The following NSMCE1 variants were observed in gnomAD, a reference collection of about 807,000 sequenced individuals.
NSMCE1 encodes non-structural maintenance of chromosomes element 1 homolog.
NSMCE1 carries 18 observed loss-of-function variants against 29.6 expected under a neutral mutation model. The observed-to-expected ratio is 0.61, with a 90% confidence interval of 0.42 to 0.90. NSMCE1 has a LOEUF of 0.90. Among genes scored for constraint, NSMCE1 ranks in the 40% least tolerant of loss-of-function variants. NSMCE1 has a pLI of 0.00. For missense variants in NSMCE1, 314 were observed against 343.6 expected, an observed-to-expected ratio of 0.91 and a Z score of 0.68; for synonymous variants, 124 against 133.4, an observed-to-expected ratio of 0.93 and a Z score of 0.49.
intron 1 of NSMCE1, among the ~76,000 whole-genome samples, chr16:27,258,653 T>C (rs148647702): frequency 6.6e-6 from 1 of 151,980 alleles, no homozygotes; most frequent in Admixed American, 6.6e-5. Flanking sequence ...CTTAAAGACA[T>C]AGAGGAAGCC....
chr16:27,247,580 C>A (rs1429671274), intron 2 of NSMCE1, among the ~76,000 whole-genome samples: 1 of 152,214 alleles, frequency 6.6e-6, no homozygotes, highest in Admixed American at 6.5e-5. Context: ...CATGCAACCA[C>A]TGAACCATCC....
intron 2 of NSMCE1, among the ~76,000 whole-genome samples, chr16:27,257,072 T>C (rs1224893159): frequency 6.6e-6 from 1 of 152,124 alleles, no homozygotes; most frequent in African/African-American, 2.4e-5. Context: ...CACTGTCTTG[T>C]ACATATCATG....
chr16:27,225,876 G>C, intron 6 of NSMCE1, 30 bp from the exon 7 acceptor site: 1 of 1,612,340 alleles, frequency 6.2e-7, no homozygotes. Flanking sequence ...TGACGGCGGA[G>C]CTGGTGCACA....
chr16:27,246,185 T>C (rs1486506861), intron 2 of NSMCE1, among the ~76,000 whole-genome samples: 1 of 152,208 alleles, frequency 6.6e-6, no homozygotes, highest in African/African-American at 2.4e-5. Flanking sequence ...TCATCTAGTT[T>C]TGACACATGT....
At position 27,233,177 on chromosome 16, in the gene NSMCE1, C is replaced by G. The variant is rs767785792; in HGVS notation, c.337-30G>C. 6.3e-6 allele frequency: 10 copies of G among 1,593,392 alleles called. No individual in the cohort carries two copies. The South Asian group carries it at 1.1e-4, about 18-fold the overall frequency. Reference sequence around the variant, plus strand: ...AAGAAAGAGCAGGTATCATGCTCATCTATTAAAATGGCAAAAATAACTTTT... The same window carrying G: ...AAGAAAGAGCAGGTATCATGCTCATGTATTAAAATGGCAAAAATAACTTTT... On this transcript the variant is annotated intron_variant, in intron 4 of 7. Coordinates refer to ENST00000361439, the MANE Select transcript of NSMCE1 (RefSeq NM_145080.4).
At chr16:27,227,879 G>A (rs987657206) in intron 5 of NSMCE1, among the ~76,000 whole-genome samples, 3 of 149,790 alleles carry the variant, frequency 2.0e-5, no homozygotes, top group Admixed American at 6.7e-5. Flanking sequence ...TCCGCATCCC[G>A]GGTTCAAGCA....
At chr16:27,258,320 G>A (rs898619836) in intron 1 of NSMCE1, among the ~76,000 whole-genome samples, 5 of 152,230 alleles carry the variant, frequency 3.3e-5, no homozygotes, top group Admixed American at 3.3e-4. Context: ...CATGGAGCAC[G>A]CAGTGCAGGG....
chr16:27,233,453 CA>C (rs2083783823), intron 4 of NSMCE1, among the ~76,000 whole-genome samples: 1 of 152,274 alleles, frequency 6.6e-6, no homozygotes, highest in East Asian at 1.9e-4. Context: ...ACACGGCAGG[CA>C]GGAACCGCTG....
At chr16:27,257,063 A>G (rs2084095452) in intron 2 of NSMCE1, among the ~76,000 whole-genome samples, 1 of 151,872 alleles carries the variant, frequency 6.6e-6, no homozygotes, top group Non-Finnish European at 1.5e-5. Flanking sequence ...TCTCTGCGCC[A>G]CTGTCTTGTA....
Position 27,257,521 on chromosome 16 carries a change from C to A in NSMCE1, c.50G>T (p.Arg17Leu). 1 of 1,613,890 alleles carries A rather than the reference C, an allele frequency of 6.2e-7. No homozygotes were observed. The highest frequency in any genetic ancestry group is 8.5e-7 in the Non-Finnish European group (1 of 1,179,860). Residue 17 changes from arginine to leucine, a missense_variant, in exon 2 of 8, where the codon CGC becomes CTC. Coordinates refer to ENST00000361439, the MANE Select transcript of NSMCE1 (RefSeq NM_145080.4). The part of the protein sequence containing the change: ...RMGVMTDVHR[R>L]FLQLLMTHGV... ...ATGGGTCATCAGCAACTGGAGGAAG[C>A]GCCGGTGGACATCAGTCATGACGCC...
At chr16:27,265,062 T>A (rs555906720) in intron 1 of NSMCE1, among the ~76,000 whole-genome samples, 31 of 151,438 alleles carry the variant, frequency 2.0e-4, no homozygotes, top group African/African-American at 7.0e-4. Context: ...AAAACCACAG[T>A]GAAGGAATGT....
intron 1 of NSMCE1, among the ~76,000 whole-genome samples, chr16:27,265,669 C>A (rs1370983404): frequency 2.0e-5 from 3 of 152,140 alleles, no homozygotes; most frequent in Middle Eastern, 3.2e-3. Flanking sequence ...TACATTAAAA[C>A]AATATAATCA....
chr16:27,259,786 A>C (rs375586365), intron 1 of NSMCE1, among the ~76,000 whole-genome samples: 19 of 152,348 alleles, frequency 1.2e-4, no homozygotes, highest in African/African-American at 4.6e-4. Context: ...AAACACAATC[A>C]AAGAAAAAGT....
At chr16:27,244,516 T>A (rs2140999733) in intron 2 of NSMCE1, among the ~76,000 whole-genome samples, 1 of 152,292 alleles carries the variant, frequency 6.6e-6, no homozygotes, top group Non-Finnish European at 1.5e-5. Context: ...CACCTGCCTT[T>A]CTGTCCCCCA....
chr16:27,235,198 C>G lies in NSMCE1; in HGVS notation c.238G>C (p.Gly80Arg). 6.2e-7 allele frequency: 1 copy of G among 1,614,008 alleles called. No homozygotes were observed. Among genetic ancestry groups the G allele is most frequent in the Non-Finnish European group, 8.5e-7 (1 of 1,179,972 alleles). The stretch of plus-strand genomic sequence containing the variant: ...CTCACCAACGCATAAATGGGTCTCC[C>G]ATCATCTTCCGTGACTCCTCTCTTT... Reference protein sequence around the residue: ...EIKRGVTEDDGRPIYALVNLA... With the variant: ...EIKRGVTEDDRRPIYALVNLA... Residue 80 changes from glycine to arginine, a missense_variant, in exon 3 of 8, where the codon GGG (glycine) becomes CGG (arginine). By Grantham distance (125) the Gly-to-Arg change is moderately radical. Transcript: ENST00000361439.
chr16:27,226,642 G>T, intron 6 of NSMCE1, 78 bp downstream of exon 6: 1 of 917,610 alleles, frequency 1.1e-6, no homozygotes, highest in Non-Finnish European at 1.7e-6. Flanking sequence ...CCAGAGCCAG[G>T]ATTCCGGGAA....
intron 2 of NSMCE1, among the ~76,000 whole-genome samples, chr16:27,240,967 G>T (rs2083887321): frequency 6.6e-6 from 1 of 152,194 alleles, no homozygotes; most frequent in Admixed American, 6.5e-5. Flanking sequence ...TCAGCTACTT[G>T]GGAGGCTGAG....
At chr16:27,231,752 G>A (rs2083764815) in intron 5 of NSMCE1, among the ~76,000 whole-genome samples, 1 of 152,140 alleles carries the variant, frequency 6.6e-6, no homozygotes, top group Non-Finnish European at 1.5e-5. Flanking sequence ...TGGAGGGCAA[G>A]AACAACTGTG....
At chr16:27,267,063 T>A (rs902159718) in intron 1 of NSMCE1, among the ~76,000 whole-genome samples, 6 of 152,120 alleles carry the variant, frequency 3.9e-5, no homozygotes, top group Admixed American at 2.6e-4. Flanking sequence ...AATCCTAGTG[T>A]TTTAGCCATA....
Sources: allele counts gnomAD v4.1 joint callset (sites outside exome capture counted in the v4.1 genomes callset), GRCh38; gene constraint gnomAD v4.1.1; transcripts MANE v1.5; gene names NCBI Gene and HGNC (gene_info 2026-07-23, HGNC 2026-07-21).